Variants in SNAPC1 observed in about 807,000 individuals in gnomAD.
SNAPC1 encodes snRNA-activating protein complex subunit 1.
A neutral mutation model predicts 50.1 loss-of-function variants in SNAPC1; 42 were observed. That is an observed-to-expected ratio of 0.84 (90% confidence interval 0.65 to 1.08). SNAPC1 has a LOEUF of 1.08. Ranked by LOEUF, SNAPC1 falls within the 50% of genes least tolerant of loss-of-function variation. The probability of loss-of-function intolerance (pLI) is 0.00; values close to 1 mark genes in which losing one functional copy is unlikely to be tolerated. For missense variants in SNAPC1, 477 were observed against 427.3 expected (o/e 1.12, Z -1.02); for synonymous variants, 164 against 144.2 (o/e 1.14, Z -0.98).
chr14:61,763,811 G>A (rs141688664), intron 1 of SNAPC1, among the ~76,000 whole-genome samples: 81 of 152,224 alleles, frequency 5.3e-4, no homozygotes, highest in African/African-American at 1.9e-3. Flanking sequence ...CTATGACTTG[G>A]GGCAAGTTAC....
chr14:61,764,160 A>C (rs1020278475), intron 1 of SNAPC1, among the ~76,000 whole-genome samples: 5 of 152,112 alleles, frequency 3.3e-5, no homozygotes, highest in Non-Finnish European at 2.9e-5. Context: ...TCAAATGTTC[A>C]TTATTACTAC....
chr14:61,774,921 C>T (rs1003823263), intron 4 of SNAPC1, among the ~76,000 whole-genome samples: 5 of 152,082 alleles, frequency 3.3e-5, no homozygotes, highest in African/African-American at 1.2e-4. Flanking sequence ...CCTTGGCCTC[C>T]AAGAGTGCTG....
intron 7 of SNAPC1, among the ~76,000 whole-genome samples, chr14:61,781,004 T>C (rs967684301): frequency 5.3e-5 from 8 of 152,192 alleles, no homozygotes; most frequent in East Asian, 3.8e-4. Flanking sequence ...CTAGAGATGA[T>C]TGAAAGTATA....
chr14:61,788,321 T>C (rs576777894), intron 8 of SNAPC1, among the ~76,000 whole-genome samples: 2 of 152,364 alleles, frequency 1.3e-5, no homozygotes, highest in African/African-American at 2.4e-5. Context: ...ATGCTTACTT[T>C]GTAGTTTCTC....
intron 8 of SNAPC1, among the ~76,000 whole-genome samples, chr14:61,786,739 G>T (rs952085194): frequency 1.3e-5 from 2 of 152,202 alleles, no homozygotes; most frequent in African/African-American, 2.4e-5. Flanking sequence ...TAGAAAACCT[G>T]TAGTTTTTAA....
chr14:61,772,095 T>C (rs897127467), intron 4 of SNAPC1, among the ~76,000 whole-genome samples: 2 of 143,832 alleles, frequency 1.4e-5, no homozygotes, highest in Non-Finnish European at 3.0e-5. Flanking sequence ...TTGGTTACAA[T>C]TTCTTTTTTT....
In SNAPC1 at chr14:61,777,867, G is replaced by A. The variant is rs1232029046; in HGVS notation, c.694-205G>A. 2.6e-5 allele frequency among the ~76,000 whole-genome samples: 4 copies of A among 152,192 alleles called. No homozygotes were observed. In the South Asian group the frequency reaches 8.3e-4, roughly 32 times the overall value. On this transcript the variant is annotated intron_variant, in intron 5 of 9. Coordinates refer to ENST00000216294, the MANE Select transcript of SNAPC1 (RefSeq NM_003082.4). ...ATAAAGACTACCACATGAGTTAGGA[G>A]GATTTAAGCATTTTGTTGATGAATT...
At chr14:61,782,767 A>G (rs2045085942) in intron 8 of SNAPC1, among the ~76,000 whole-genome samples, 3 of 151,942 alleles carry the variant, frequency 2.0e-5, no homozygotes, top group South Asian at 2.1e-4. Context: ...AAAGTCGGGC[A>G]TGGTAGCGCA....
chr14:61,777,221 G>GGTA lies in SNAPC1; in HGVS notation c.694-851_694-850insGTA, dbSNP rs2045040632. Among the ~76,000 whole-genome samples, 3 of 127,858 alleles carry GGTA rather than the reference G, an allele frequency of 2.3e-5. No homozygotes were observed. The South Asian group carries it at 8.3e-4, about 35-fold the overall frequency. The allele number at this position is 127,858 out of a possible 152,430, so 83.9% of individuals were successfully genotyped here. On this transcript the variant is annotated intron_variant, in intron 5 of 9. Transcript: ENST00000216294. ...TTTAGAAAAGATAAACAAGGAAACT[G>GGTA]ATAAGATGATAGTCTCGGGAAGAAG...
chr14:61,769,564 A>AT (rs1173627649), intron 4 of SNAPC1, among the ~76,000 whole-genome samples: 4 of 151,284 alleles, frequency 2.6e-5, no homozygotes, highest in Non-Finnish European at 5.9e-5. Context: ...TGCCCGGCTG[A>AT]TTTTTTGTAT....
At chr14:61,791,433 A>G (rs2045151665) in intron 8 of SNAPC1, among the ~76,000 whole-genome samples, 1 of 152,060 alleles carries the variant, frequency 6.6e-6, no homozygotes, top group Non-Finnish European at 1.5e-5. Flanking sequence ...ATTAAAGTCA[A>G]ATATATTTTA....
chr14:61,773,398 T>G (rs1017481999), intron 4 of SNAPC1, among the ~76,000 whole-genome samples: 1 of 69,032 alleles, frequency 1.4e-5, no homozygotes, highest in Non-Finnish European at 2.9e-5. Flanking sequence ...ATTTCCTTAG[T>G]TTTTTTTTTT....
At chr14:61,770,885 G>T (rs2044985050) in intron 4 of SNAPC1, among the ~76,000 whole-genome samples, 1 of 152,040 alleles carries the variant, frequency 6.6e-6, no homozygotes, top group South Asian at 2.1e-4. Context: ...GGGACTACAG[G>T]TACGCACCAC....
chr14:61,782,280 C>T lies in SNAPC1; in HGVS notation c.859C>T (p.Leu287Phe). ...ATCAAGAAGGCATCGTCAAGTCAAA[C>T]TCGACTCTTCTGACTCTGATTCTGC... Reference protein sequence around the residue: ...SKSRRHRQVKLDSSDSDSASG... With the variant: ...SKSRRHRQVKFDSSDSDSASG... Residue 287 changes from leucine (L) to phenylalanine (F), a missense_variant, in exon 8 of 10, where the codon CTC becomes TTC. Transcript: ENST00000216294. The T allele has an allele frequency of 1.2e-6, 2 of 1,606,936 alleles. No individual in the cohort carries two copies. Among genetic ancestry groups the T allele is most frequent in the Non-Finnish European group, 1.7e-6 (2 of 1,177,642 alleles).
Position 61,762,475 on chromosome 14 carries a change from C to T in SNAPC1, c.15C>T (p.Pro5=), listed in dbSNP as rs749678827. MGTP[P]GLQTDCEALL... ...CTTCGGGTGCCATGGGGACTCCTCC[C>T]GGCCTGCAGACCGACTGCGAGGCGC... Residue 5 remains proline, a synonymous_variant, in exon 1 of 10, where the codon CCC becomes CCT. Transcript: ENST00000216294. 9 of 1,163,160 alleles carry T rather than the reference C, an allele frequency of 7.7e-6. No homozygotes were observed. The highest frequency in any genetic ancestry group is 3.0e-5 in the East Asian group (1 of 33,134). 72.1% of individuals were successfully genotyped at this position (1,163,160 alleles called of 1,614,324 possible). A position where few individuals can be genotyped will look rare whatever the true frequency, so the allele number is the denominator to read the frequency against.
At chr14:61,792,536 T>C (rs1363909314) in intron 8 of SNAPC1, among the ~76,000 whole-genome samples, 2 of 152,232 alleles carry the variant, frequency 1.3e-5, no homozygotes, top group Non-Finnish European at 2.9e-5. Context: ...AGATTAAATA[T>C]GGTATTTGTG....
At chr14:61,791,632 G>A (rs543232571) in intron 8 of SNAPC1, among the ~76,000 whole-genome samples, 8 of 152,296 alleles carry the variant, frequency 5.3e-5, no homozygotes, top group Admixed American at 5.2e-4. Context: ...TGGATCACTT[G>A]AGGTCAGGAG....
At chr14:61,789,118 C>T (rs1232493978) in intron 8 of SNAPC1, among the ~76,000 whole-genome samples, 1 of 151,616 alleles carries the variant, frequency 6.6e-6, no homozygotes, top group African/African-American at 2.4e-5. Flanking sequence ...GTAGTCCCAG[C>T]TACTTGGGAG....
At chr14:61,776,049 C>T in intron 4 of SNAPC1, 46 bp from the exon 5 acceptor site, 3 of 1,495,890 alleles carry the variant, frequency 2.0e-6, no homozygotes, top group Non-Finnish European at 2.7e-6. Flanking sequence ...CTTTTAGTTT[C>T]TCCTCAAAAA....
Sources: gnomAD v4.1 joint callset for allele counts (sites outside exome capture counted in the v4.1 genomes callset) on GRCh38, gnomAD v4.1.1 for gene constraint, MANE v1.5 for transcripts, NCBI Gene and HGNC (gene_info 2026-07-23, HGNC 2026-07-21) for gene names.